Variants in DERA observed in about 807,000 individuals in gnomAD.
DERA encodes the protein 2-deoxy-D-ribose 5-phosphate aldolase.
Under a neutral mutation model 41.1 loss-of-function variants are expected in DERA, and 15 were observed. That is an observed-to-expected ratio of 0.37 (90% CI 0.24 to 0.56). The LOEUF is 0.56. DERA is among the 20% of genes least tolerant of loss of function. The pLI is 0.81. For missense variants in DERA, 396 were observed against 403.4 expected (o/e 0.98, Z 0.16); for synonymous variants, 139 against 137.4 (o/e 1.01, Z -0.08).
chr12:15,990,282 T>C lies in DERA; in HGVS notation c.637+7846T>C, dbSNP rs1251525656. Among the ~76,000 whole-genome samples the C allele has an allele frequency of 6.6e-6, 1 of 152,178 alleles. No individual in the cohort carries two copies. Among genetic ancestry groups the C allele is most frequent in the Non-Finnish European group, 1.5e-5 (1 of 68,016 alleles). On this transcript the variant is annotated intron_variant, in intron 6 of 8. Transcript: ENST00000428559. The surrounding 1 kb of genome is among the most constrained non-coding windows in gnomAD (Gnocchi z 4.3). ...AAGCTTACTATATTAGCAGAATTGTTCAATGAATCTTATATTTGAACTTAC... is the reference window on the plus strand; with the variant it reads ...AAGCTTACTATATTAGCAGAATTGTCCAATGAATCTTATATTTGAACTTAC...
chr12:16,010,356 T>A lies in DERA; in HGVS notation c.638-22186T>A, dbSNP rs3782531. ...CCTTGCTTTCTCCTTGCCTCATGTGTCTTCAGGAATTTGTGAATGATTCTG... is the reference window on the plus strand; with the variant it reads ...CCTTGCTTTCTCCTTGCCTCATGTGACTTCAGGAATTTGTGAATGATTCTG... On this transcript the variant is annotated intron_variant, in intron 6 of 8. Coordinates refer to ENST00000428559, the MANE Select transcript of DERA (RefSeq NM_015954.4). The surrounding 1 kb of genome is among the most constrained non-coding windows in gnomAD (Gnocchi z 5.5). Among the ~76,000 whole-genome samples the A allele has an allele frequency of 3.1e-3, 471 of 152,270 alleles. 7 individuals carry two copies. The East Asian group carries it at 0.049, about 16-fold the overall frequency.
At chr12:15,925,632 T>C (rs549783797) in intron 1 of DERA, among the ~76,000 whole-genome samples, 2 of 152,258 alleles carry the variant, frequency 1.3e-5, no homozygotes, top group East Asian at 3.9e-4. Context: ...GAAATTAAAA[T>C]TCACAGATTT....
Position 16,020,560 on chromosome 12 carries a change from T to C in DERA, c.638-11982T>C, listed in dbSNP as rs1016165196. Reference sequence around the variant, plus strand: ...CAGGAGTGGTGTGTTGCTATAAAGATAGCTGAAAATGTGGGAGCAGCTTTG... The same window carrying C: ...CAGGAGTGGTGTGTTGCTATAAAGACAGCTGAAAATGTGGGAGCAGCTTTG... On this transcript the variant is annotated intron_variant, in intron 6 of 8. Transcript: ENST00000428559. The surrounding 1 kb of genome is among the most constrained non-coding windows in gnomAD (Gnocchi z 5.5). 6.6e-6 allele frequency among the ~76,000 whole-genome samples: 1 copy of C among 152,210 alleles called. No homozygotes were observed. The highest frequency in any genetic ancestry group is 1.5e-5 in the Non-Finnish European group (1 of 68,032).
intron 1 of DERA, among the ~76,000 whole-genome samples, chr12:15,926,006 A>G (rs1022711804): frequency 1.3e-5 from 2 of 151,448 alleles, no homozygotes; most frequent in African/African-American, 4.9e-5. Context: ...TATTTTTAGT[A>G]GAGTCGGGGT....
Position 15,913,301 on chromosome 12 carries a change from A to C in DERA, c.31+1887A>C, listed in dbSNP as rs940667326. On this transcript the variant is annotated intron_variant, in intron 1 of 8. Transcript: ENST00000428559. The surrounding 1 kb of genome is among the most constrained non-coding windows in gnomAD (Gnocchi z 4.5). The stretch of plus-strand genomic sequence containing the variant: ...ATCATAGCTTTGTATTTATTATCTT[A>C]TTTGTTAAAATCAGATTTTTTTCCT... Among the ~76,000 whole-genome samples, 11 of 152,186 alleles carry C rather than the reference A, an allele frequency of 7.2e-5. No homozygotes were observed. The highest frequency in any genetic ancestry group is 2.7e-4 in the African/African-American group (11 of 41,444).
In DERA at chr12:15,921,528, A is replaced by C. The variant is rs887643279; in HGVS notation, c.31+10114A>C. Among the ~76,000 whole-genome samples, 1 of 152,132 alleles carries C rather than the reference A, an allele frequency of 6.6e-6. No individual in the cohort carries two copies. Among genetic ancestry groups the C allele is most frequent in the South Asian group, 2.1e-4 (1 of 4,822 alleles). ...AAGAAAGTAGGTTGTAACAATTCCT[A>C]TTGTATTTGGTGAAGGAGCTCAAGA... On this transcript the variant is annotated intron_variant, in intron 1 of 8. Coordinates refer to ENST00000428559, the MANE Select transcript of DERA (RefSeq NM_015954.4). This position sits in a 1 kb window ranked among gnomAD's most constrained non-coding sequence, Gnocchi z 5.3.
intron 1 of DERA, among the ~76,000 whole-genome samples, chr12:15,946,580 T>C (rs183903958): frequency 0.032 from 4,696 of 147,016 alleles, 262 homozygotes; most frequent in African/African-American, 0.11. Flanking sequence ...TGATATCCCC[T>C]TTTTTTTTTA....
At chr12:15,949,462 A>AGCTCCGTGGGTG in intron 1 of DERA, among the ~76,000 whole-genome samples, 1 of 151,814 alleles carries the variant, frequency 6.6e-6, no homozygotes, top group Non-Finnish European at 1.5e-5. Flanking sequence ...TGTGCTAGCA[A>AGCTCCGTGGGTG]TGAGCAAGGC....
At position 15,957,081 on chromosome 12, in the gene DERA, G is replaced by T. The variant is rs771990304; in HGVS notation, c.129+48G>T. The stretch of plus-strand genomic sequence containing the variant: ...CTGTGCCTGTATTTTACAATGCATG[G>T]TCTCTTCCCTCAAGGCCACAATATT... On this transcript the variant is annotated intron_variant, in intron 2 of 8. Transcript: ENST00000428559. This position sits in a 1 kb window ranked among gnomAD's most constrained non-coding sequence, Gnocchi z 4.8. 5.6e-6 allele frequency: 8 copies of T among 1,416,096 alleles called. No homozygotes were observed. Among genetic ancestry groups the T allele is most frequent in the Admixed American group, 1.7e-5 (1 of 58,542 alleles). The allele number at this position is 1,416,096 out of a possible 1,614,324, so 87.7% of individuals were successfully genotyped here.
intron 6 of DERA, among the ~76,000 whole-genome samples, chr12:16,023,622 C>T (rs1257004291): frequency 1.3e-5 from 2 of 150,302 alleles, no homozygotes; most frequent in South Asian, 2.1e-4. Context: ...GGACTACAGG[C>T]GCCCGCCACT....
rs10846255 is a variant in DERA at position 15,941,227 on chromosome 12, G to A, written c.32-15709G>A. ...GCTCATTGACCTACTGACTGTGGGT[G>A]TTGTGTGTTTGTGTCTCTTGCATGA... On this transcript the variant is annotated intron_variant, in intron 1 of 8. Transcript: ENST00000428559. The surrounding 1 kb of genome is among the most constrained non-coding windows in gnomAD (Gnocchi z 4.5). Among the ~76,000 whole-genome samples the A allele has an allele frequency of 0.3, 45,166 of 152,000 alleles. 7,546 individuals carry two copies. Among genetic ancestry groups the A allele is most frequent in the African/African-American group, 0.43 (17,864 of 41,428 alleles).
chr12:16,027,978 G>A (rs1299611642), intron 6 of DERA, among the ~76,000 whole-genome samples: 6 of 152,172 alleles, frequency 3.9e-5, no homozygotes, highest in African/African-American at 1.2e-4. Context: ...AAAGCATCCA[G>A]TATCCATGGA....
Position 15,957,072 on chromosome 12 carries a change from C to G in DERA, c.129+39C>G. On this transcript the variant is annotated intron_variant, in intron 2 of 8. Coordinates refer to ENST00000428559, the MANE Select transcript of DERA (RefSeq NM_015954.4). The surrounding 1 kb of genome is among the most constrained non-coding windows in gnomAD (Gnocchi z 4.8). ...TTGAGCATTCTGTGCCTGTATTTTA[C>G]AATGCATGGTCTCTTCCCTCAAGGC... 1 of 1,479,110 alleles carries G rather than the reference C, an allele frequency of 6.8e-7. No individual in the cohort carries two copies. Among genetic ancestry groups the G allele is most frequent in the South Asian group, 1.1e-5 (1 of 87,714 alleles). The allele number at this position is 1,479,110 out of a possible 1,614,324, so 91.6% of individuals were successfully genotyped here. A position where few individuals can be genotyped will look rare whatever the true frequency, so the allele number is the denominator to read the frequency against.
chr12:15,953,377 A>G (rs1022089636), intron 1 of DERA, among the ~76,000 whole-genome samples: 4 of 152,206 alleles, frequency 2.6e-5, no homozygotes, highest in African/African-American at 9.6e-5. Context: ...CAGAAACACA[A>G]ATGAAAATGA....
At chr12:15,979,806 A>G (rs1948721454) in intron 5 of DERA, among the ~76,000 whole-genome samples, 1 of 152,248 alleles carries the variant, frequency 6.6e-6, no homozygotes, top group African/African-American at 2.4e-5. Context: ...ACTGAATCAT[A>G]AAATACCTCT....
chr12:15,957,028 T>TGGC lies in DERA; in HGVS notation c.125_127dup (p.Trp42_Gln43insArg). ...GGCTCGCAGAACCGTGAAAAAGGAG[T>TGGC]GGCAGGTAAGGGTTCTTCTTGAGCA... On this transcript the variant is annotated inframe_insertion, in exon 2 of 9. Coordinates refer to ENST00000428559, the MANE Select transcript of DERA (RefSeq NM_015954.4). This position sits in a 1 kb window ranked among gnomAD's most constrained non-coding sequence, Gnocchi z 4.8. 6.2e-7 allele frequency: 1 copy of TGGC among 1,613,114 alleles called. No homozygotes were observed. The highest frequency in any genetic ancestry group is 1.7e-5 in the Admixed American group (1 of 59,954).
chr12:15,920,811 G>A (rs1165421345), intron 1 of DERA, among the ~76,000 whole-genome samples: 1 of 152,174 alleles, frequency 6.6e-6, no homozygotes, highest in Non-Finnish European at 1.5e-5. Flanking sequence ...CTCCATCCTG[G>A]TGATACATCC....
chr12:15,945,237 T>C (rs1948438282), intron 1 of DERA, among the ~76,000 whole-genome samples: 1 of 152,238 alleles, frequency 6.6e-6, no homozygotes, highest in African/African-American at 2.4e-5. Context: ...CCATATGAAC[T>C]TTCAAGTAGT....
rs1565588632 is a variant in DERA at position 15,936,892 on chromosome 12, T to TTGTCTTGTCTTGTCTTGTCTTGTCCC, written c.32-20044_32-20043insTGTCTTGTCTTGTCTTGTCTTGTCCC. On this transcript the variant is annotated intron_variant, in intron 1 of 8. Coordinates refer to ENST00000428559, the MANE Select transcript of DERA (RefSeq NM_015954.4). The surrounding 1 kb of genome is among the most constrained non-coding windows in gnomAD (Gnocchi z 4.6). ...TGTCTTGTCTTGTCTTGTCTTGTCC[T>TTGTCTTGTCTTGTCTTGTCTTGTCCC]GTCCTGTCCTGTCCTGTCCTGTCCT... 7.1e-5 allele frequency among the ~76,000 whole-genome samples: 9 copies of TTGTCTTGTCTTGTCTTGTCTTGTCCC among 126,712 alleles called. No homozygotes were observed. The highest frequency in any genetic ancestry group is 2.3e-4 in the South Asian group (1 of 4,290). 83.1% of individuals were successfully genotyped at this position (126,712 alleles called of 152,430 possible).
Sources: gnomAD v4.1 joint callset for allele counts (sites outside exome capture counted in the v4.1 genomes callset) on GRCh38, gnomAD v4.1.1 for gene constraint, Gnocchi (gnomAD v3.1) non-coding constraint, MANE v1.5 for transcripts, NCBI Gene and HGNC (gene_info 2026-07-23, HGNC 2026-07-21) for gene names.